Variants in MISP observed in about 807,000 individuals in gnomAD.
MISP encodes mitotic interactor and substrate of PLK1.
In MISP, 51 loss-of-function variants were observed where a neutral mutation model predicts 49.3. That is an observed-to-expected ratio of 1.03 (90% CI 0.83 to 1.31). The LOEUF (loss-of-function observed/expected upper bound fraction) is 1.31, where lower values mean the gene tolerates loss of function less well. Ranked by LOEUF, MISP falls within the 50% of genes most tolerant of loss-of-function variation. The pLI is 0.00. For synonymous variants in MISP, 444 were observed against 392.6 expected (o/e 1.13, Z -1.55); for missense variants, 1,084 against 935.1 (o/e 1.16, Z -2.08).
intron 1 of MISP, among the ~76,000 whole-genome samples, chr19:754,700 C>G (rs1052884477): frequency 2.0e-5 from 3 of 152,172 alleles, no homozygotes; most frequent in East Asian, 3.9e-4. Context: ...GATGATGGCT[C>G]TGGGGGAGGG....
upstream of MISP, chr19:748,467 A>T (rs987120287): frequency 6.6e-6 from 1 of 152,276 alleles, no homozygotes; most frequent in Non-Finnish European, 1.5e-5. Flanking sequence ...GCACCCGCTC[A>T]CCCTGAGCGC....
rs916159219 is a variant in MISP, at chr19:763,960, G to A, written c.*370G>A. ...TCTGAGGGCAGAGGGACCGGTCAAAGAGGGTGGCACAGATCGCAGCACCTT... is the reference window on the plus strand; with the variant it reads ...TCTGAGGGCAGAGGGACCGGTCAAAAAGGGTGGCACAGATCGCAGCACCTT... On this transcript the variant is annotated 3_prime_UTR_variant, in exon 5 of 5. Transcript: ENST00000215582. 4.2e-6 allele frequency: 1 copy of A among 236,932 alleles called. No homozygotes were observed. The highest frequency in any genetic ancestry group is 2.3e-5 in the African/African-American group (1 of 44,228). 14.7% of individuals were successfully genotyped at this position (236,932 alleles called of 1,614,324 possible).
upstream of MISP, among the ~76,000 whole-genome samples, chr19:750,188 CTTTTTTTTTTTTTTTTT>C (rs71174321): frequency 5.3e-5 from 6 of 112,626 alleles, no homozygotes; most frequent in African/African-American, 3.7e-5. Flanking sequence ...TCGTGCGGTT[CTTTTTTTTTTTTTTTTT>C]TTTTTTTTTT....
rs1230322396 is a variant in MISP, at chr19:758,711, T to A, written c.1765T>A (p.Ser589Thr). The change falls in exon 2 of 5, where the codon TCC becomes ACC. Residue 589 changes from serine (S) to threonine (T), a missense_variant. Ser to Thr is a moderately conservative substitution (Grantham distance 58). Coordinates refer to ENST00000215582, the MANE Select transcript of MISP (RefSeq NM_173481.4). ...GAACTCTGACCAGAACTCCAGGAGC[T>A]CCTCCCAGGCATCCGGTGAGAAGGG... ...DENSDQNSRS[S>T]SQASGITGSY... 1 of 1,612,624 alleles carries A rather than the reference T, an allele frequency of 6.2e-7. No homozygotes were observed. The highest frequency in any genetic ancestry group is 1.3e-5 in the African/African-American group (1 of 74,850).
In MISP at chr19:757,926, C is replaced by T. The variant is rs762515486; in HGVS notation, c.980C>T (p.Thr327Ile). Residue 327 changes from threonine to isoleucine, a missense_variant, in exon 2 of 5, where the codon ACC becomes ATC. Physicochemically the swap from Thr to Ile is moderately conservative, Grantham distance 89. Coordinates refer to ENST00000215582, the MANE Select transcript of MISP (RefSeq NM_173481.4). ...CACCAGGAGCTGGTGGAAATCCCCACCAGGCCGCTGCTGACCAAGCTGAGC... is the reference window on the plus strand; with the variant it reads ...CACCAGGAGCTGGTGGAAATCCCCATCAGGCCGCTGCTGACCAAGCTGAGC... ...TDHQELVEIPTRPLLTKLSLI... is the reference protein window; with the variant it reads ...TDHQELVEIPIRPLLTKLSLI... The T allele has an allele frequency of 3.7e-6, 6 of 1,602,090 alleles. No individual in the cohort carries two copies. The South Asian group carries it at 6.6e-5, about 18-fold the overall frequency.
intron 1 of MISP, among the ~76,000 whole-genome samples, chr19:755,983 G>A (rs1205179928): frequency 2.0e-5 from 3 of 152,042 alleles, no homozygotes; most frequent in Admixed American, 1.3e-4. Flanking sequence ...AGGTGTGTGT[G>A]TCTGGGAGAT....
At chr19:758,871 G>T in intron 2 of MISP, 145 bp downstream of exon 2, 1 of 631,032 alleles carries the variant, frequency 1.6e-6, no homozygotes, top group South Asian at 2.3e-5. Flanking sequence ...CTCAGTCGCT[G>T]GTTTGTCTGC....
At chr19:751,030 TG>T, upstream of MISP, 1 of 152,562 alleles carries the variant, frequency 6.6e-6, no homozygotes, top group Non-Finnish European at 1.5e-5. Context: ...CAGGTGGGGC[TG>T]GGGGGAGGGG....
rs138945269 is a variant in MISP at position 756,955 on chromosome 19, C to T, written c.9C>T (p.Arg3=). 233 of 1,561,306 alleles carry T rather than the reference C, an allele frequency of 1.5e-4. 1 individual carries two copies. In the Middle Eastern group the frequency reaches 2.2e-3, roughly 15 times the overall value. MD[R]VTRYPILGIP... is the part of the protein sequence containing the mutation. ...CCAAGACCCCGGAAGAGATGGACCG[C>T]GTGACCAGATACCCCATCCTGGGCA... Residue 3 remains arginine (R), a synonymous_variant, in exon 2 of 5, where the codon CGC becomes CGT. Coordinates refer to ENST00000215582, the MANE Select transcript of MISP (RefSeq NM_173481.4).
intron 1 of MISP, among the ~76,000 whole-genome samples, chr19:752,818 A>C (rs1013665692): frequency 6.6e-6 from 1 of 152,300 alleles, no homozygotes; most frequent in Non-Finnish European, 1.5e-5. Flanking sequence ...CTGGGCAAAC[A>C]TTCCTACACC....
chr19:757,984 C>T lies in MISP; in HGVS notation c.1038C>T (p.Arg346=), dbSNP rs1344742879. The stretch of plus-strand genomic sequence containing the variant: ...CAGCCCCACGGCGGGAGAGAGGGCG[C>T]CCGTCCCTCTACGTGCAGCGGGACA... ...LITAPRRERG[R]PSLYVQRDIV... is the part of the protein sequence containing the mutation. The change falls in exon 2 of 5, where the codon CGC becomes CGT. Residue 346 remains arginine, a synonymous_variant. Transcript: ENST00000215582. 18 of 1,579,370 alleles carry T rather than the reference C, an allele frequency of 1.1e-5. No individual in the cohort carries two copies. Among genetic ancestry groups the T allele is most frequent in the East Asian group, 2.2e-5 (1 of 44,572 alleles).
rs757515543 is a variant in MISP at position 759,260 on chromosome 19, C to T, written c.1780+534C>T. Among the ~76,000 whole-genome samples the T allele has an allele frequency of 4.6e-5, 7 of 151,984 alleles. No homozygotes were observed. In the South Asian group the frequency reaches 6.2e-4, roughly 14 times the overall value. On this transcript the variant is annotated intron_variant, in intron 2 of 4. Coordinates refer to ENST00000215582, the MANE Select transcript of MISP (RefSeq NM_173481.4). ...CTGGTCTTGAACTCCTGACCTCAGG[C>T]GATCCACCCTGCCTTGGCCTCCCAA...
rs190608258 is a variant in MISP at position 754,457 on chromosome 19, C to G, written c.-57-2433C>G. ...CAGCCTGGGCGACAGAGTGAGACTC[C>G]GCCTCAAAAAAAAGAAAAAATTAGC... On this transcript the variant is annotated intron_variant, in intron 1 of 4. Transcript: ENST00000215582. Among the ~76,000 whole-genome samples, 49 of 151,604 alleles carry G rather than the reference C, an allele frequency of 3.2e-4. No homozygotes were observed. In the East Asian group the frequency reaches 5.6e-3, roughly 17 times the overall value.
At chr19:760,711 G>A (rs2033658987) in intron 3 of MISP, among the ~76,000 whole-genome samples, 3 of 151,880 alleles carry the variant, frequency 2.0e-5, no homozygotes, top group Admixed American at 1.3e-4. Flanking sequence ...GAGAAGGCAG[G>A]AGGGAGGGAG....
At chr19:754,665 A>G (rs1258089965) in intron 1 of MISP, among the ~76,000 whole-genome samples, 3 of 152,234 alleles carry the variant, frequency 2.0e-5, no homozygotes, top group Non-Finnish European at 2.9e-5. Flanking sequence ...GCTGGGTACA[A>G]GGCCTGACAT....
chr19:755,380 G>A (rs2144955797), intron 1 of MISP, among the ~76,000 whole-genome samples: 1 of 152,336 alleles, frequency 6.6e-6, no homozygotes, highest in South Asian at 2.1e-4. Context: ...AGGCGGGGAT[G>A]TTGTCTCAGA....
rs759130274 is a variant in MISP at position 758,360 on chromosome 19, G to A, written c.1414G>A (p.Glu472Lys). The change falls in exon 2 of 5, where the codon GAA becomes AAA. Residue 472 changes from glutamate (E) to lysine (K), a missense_variant. By Grantham distance (56) the Glu-to-Lys change is moderately conservative (BLOSUM62 1). Transcript: ENST00000215582. The part of the protein sequence containing the change: ...KATMSPRHLS[E>K]SSGKPLSTKQ... ...CACGATGTCCCCGAGGCATCTCTCA[G>A]AATCCTCTGGAAAACCCCTGAGCAC... 2.5e-6 allele frequency: 4 copies of A among 1,614,166 alleles called. No individual in the cohort carries two copies. The South Asian group carries it at 4.4e-5, about 18-fold the overall frequency.
In MISP at chr19:751,162, G is replaced by A. The variant is rs2033453366; in HGVS notation, c.-67G>A. The A allele has an allele frequency of 6.5e-6, 1 of 152,760 alleles. No individual in the cohort carries two copies. Among genetic ancestry groups the A allele is most frequent in the African/African-American group, 2.4e-5 (1 of 41,404 alleles). 9.5% of individuals were successfully genotyped at this position (152,760 alleles called of 1,614,324 possible). Reference sequence around the variant, plus strand: ...TGGAGGCTGCAGACTGTGGAGCCGGGAGCCGGCAGGTGAGGCTGGGGGCGC... The same window carrying A: ...TGGAGGCTGCAGACTGTGGAGCCGGAAGCCGGCAGGTGAGGCTGGGGGCGC... On this transcript the variant is annotated 5_prime_UTR_variant, in exon 1 of 5. Transcript: ENST00000215582.
chr19:760,593 G>C (rs987203071), intron 3 of MISP: 8 of 152,716 alleles, frequency 5.2e-5, no homozygotes, highest in African/African-American at 1.9e-4. Flanking sequence ...GTCTCAAACC[G>C]ATCTCAAGTG....
Sources: allele counts gnomAD v4.1 joint callset (sites outside exome capture counted in the v4.1 genomes callset), GRCh38; gene constraint gnomAD v4.1.1; transcripts MANE v1.5; gene names NCBI Gene and HGNC (gene_info 2026-07-23, HGNC 2026-07-21).